Variants in PRKAA2 observed in about 807,000 individuals in gnomAD.
PRKAA2 encodes protein kinase AMP-activated catalytic subunit alpha 2.
Under a neutral mutation model 56.3 loss-of-function variants are expected in PRKAA2, and 40 were observed. The observed-to-expected ratio is 0.71, with a 90% CI of 0.55 to 0.92. PRKAA2 has a LOEUF of 0.92. Ranked by LOEUF, PRKAA2 falls within the 40% of genes least tolerant of loss-of-function variation. The pLI is 0.00. For synonymous variants in PRKAA2, 214 were observed against 234.2 expected (o/e 0.91, Z 0.79); for missense variants, 542 against 686.9 (o/e 0.79, Z 2.36).
At chr1:56,649,967 C>T (rs1055615927) in intron 1 of PRKAA2, among the ~76,000 whole-genome samples, 6 of 151,992 alleles carry the variant, frequency 3.9e-5, no homozygotes, top group Non-Finnish European at 5.9e-5. Flanking sequence ...TGATGGTGCG[C>T]GCCTGTAATC....
At chr1:56,678,285 C>G (rs568407308) in intron 2 of PRKAA2, among the ~76,000 whole-genome samples, 172 of 152,290 alleles carry the variant, frequency 1.1e-3, no homozygotes, top group African/African-American at 3.7e-3. Flanking sequence ...TTATTGACAT[C>G]GTCTGTAACA....
At chr1:56,657,308 T>A (rs1324304089) in intron 1 of PRKAA2, among the ~76,000 whole-genome samples, 3 of 150,872 alleles carry the variant, frequency 2.0e-5, no homozygotes, top group Non-Finnish European at 4.5e-5. Flanking sequence ...TGGAATGGAA[T>A]TTTTTTTTAC....
intron 2 of PRKAA2, among the ~76,000 whole-genome samples, chr1:56,682,081 A>C (rs968283845): frequency 1.3e-5 from 2 of 152,064 alleles, no homozygotes; most frequent in Non-Finnish European, 2.9e-5. Context: ...ATCCCTTGTA[A>C]GTTGGATTCC....
intron 1 of PRKAA2, among the ~76,000 whole-genome samples, chr1:56,662,470 A>G (rs1409135265): frequency 6.6e-6 from 1 of 152,142 alleles, no homozygotes; most frequent in Non-Finnish European, 1.5e-5. Context: ...TTAAATACAG[A>G]CGAGGTCTCA....
At chr1:56,690,547 T>C (rs545260824) in intron 2 of PRKAA2, among the ~76,000 whole-genome samples, 12 of 152,370 alleles carry the variant, frequency 7.9e-5, no homozygotes, top group African/African-American at 2.9e-4. Flanking sequence ...GTTTCATAAA[T>C]GGTTTTTAAA....
Position 56,709,252 on chromosome 1 carries a change from C to T in PRKAA2, c.*1539C>T, listed in dbSNP as rs1298055536. The T allele has an allele frequency of 6.6e-6, 1 of 152,112 alleles. No individual in the cohort carries two copies. Among genetic ancestry groups the T allele is most frequent in the African/African-American group, 2.4e-5 (1 of 41,414 alleles). 9.4% of individuals were successfully genotyped at this position (152,112 alleles called of 1,614,324 possible). A position where few individuals can be genotyped will look rare whatever the true frequency, so the allele number is the denominator to read the frequency against. ...AATGAGAATGTTAGACTAAGTTTCT[C>T]CTGTGTTAGTGGAAAACAAGTGTGT... On this transcript the variant is annotated 3_prime_UTR_variant, in exon 9 of 9. Transcript: ENST00000371244.
At position 56,713,948 on chromosome 1, in the gene PRKAA2, T is replaced by C. The variant is rs1187462046; in HGVS notation, c.*6235T>C. The C allele has an allele frequency of 1.3e-5, 2 of 151,914 alleles. No individual in the cohort carries two copies. The highest frequency in any genetic ancestry group is 2.4e-5 in the African/African-American group (1 of 41,368). 9.4% of individuals were successfully genotyped at this position (151,914 alleles called of 1,614,324 possible). A position where few individuals can be genotyped will look rare whatever the true frequency, so the allele number is the denominator to read the frequency against. ...GTTTAAACTATATTTTCTTTTTTTC[T>C]AATCCCTCTCAGTTCTCCTTAGATC... On this transcript the variant is annotated 3_prime_UTR_variant, in exon 9 of 9. Coordinates refer to ENST00000371244, the MANE Select transcript of PRKAA2 (RefSeq NM_006252.4).
chr1:56,667,959 T>A (rs896807619), intron 1 of PRKAA2, among the ~76,000 whole-genome samples: 2 of 152,094 alleles, frequency 1.3e-5, no homozygotes, highest in African/African-American at 4.8e-5. Context: ...ACCCCAAATA[T>A]GTCCCAAAAG....
At chr1:56,645,516 GC>G in intron 1 of PRKAA2, 35 bp downstream of exon 1, 1 of 1,439,274 alleles carries the variant, frequency 6.9e-7, no homozygotes, top group Non-Finnish European at 9.2e-7. Context: ...GTGCGGGGCT[GC>G]CTGACTTGCG....
At chr1:56,678,989 C>A (rs1209308717) in intron 2 of PRKAA2, among the ~76,000 whole-genome samples, 2 of 152,192 alleles carry the variant, frequency 1.3e-5, no homozygotes, top group Non-Finnish European at 2.9e-5. Flanking sequence ...CCACCATGCC[C>A]AGCCTAATTC....
intron 2 of PRKAA2, 75 bp downstream of exon 2, chr1:56,674,597 G>A: frequency 1.7e-6 from 2 of 1,205,750 alleles, no homozygotes; most frequent in Non-Finnish European, 2.2e-6. Context: ...TATAATAATT[G>A]TTAATTGTTA....
At chr1:56,697,212 T>TG (rs1342186563) in intron 6 of PRKAA2, among the ~76,000 whole-genome samples, 1 of 151,450 alleles carries the variant, frequency 6.6e-6, no homozygotes, top group African/African-American at 2.4e-5. Flanking sequence ...TTAGTAGAAA[T>TG]GGAGTTTTGC....
rs1053691902 is a variant in PRKAA2, at chr1:56,712,376, T to G, written c.*4663T>G. The G allele has an allele frequency of 6.6e-6, 1 of 152,182 alleles. No individual in the cohort carries two copies. Among genetic ancestry groups the G allele is most frequent in the African/African-American group, 2.4e-5 (1 of 41,458 alleles). The allele number at this position is 152,182 out of a possible 1,614,324, so 9.4% of individuals were successfully genotyped here. A position where few individuals can be genotyped will look rare whatever the true frequency, so the allele number is the denominator to read the frequency against. ...AAAGTAGTCTTAAATAAATAGTTCT[T>G]AGTTTATTTTAAGCAGTTGATTGTA... On this transcript the variant is annotated 3_prime_UTR_variant, in exon 9 of 9. Coordinates refer to ENST00000371244, the MANE Select transcript of PRKAA2 (RefSeq NM_006252.4).
chr1:56,654,826 AT>A (rs2100382009), intron 1 of PRKAA2, among the ~76,000 whole-genome samples: 1 of 152,164 alleles, frequency 6.6e-6, no homozygotes, highest in African/African-American at 2.4e-5. Flanking sequence ...CCTCTGATAA[AT>A]TTTATGTATT....
At chr1:56,660,449 C>CA (rs1643985146) in intron 1 of PRKAA2, among the ~76,000 whole-genome samples, 1 of 152,162 alleles carries the variant, frequency 6.6e-6, no homozygotes, top group Non-Finnish European at 1.5e-5. Flanking sequence ...ACAAAGGCCA[C>CA]AGCCCTACCC....
intron 2 of PRKAA2, among the ~76,000 whole-genome samples, chr1:56,680,520 C>G (rs1177286524): frequency 6.6e-6 from 1 of 152,092 alleles, no homozygotes; most frequent in Non-Finnish European, 1.5e-5. Context: ...CCTGCCACCC[C>G]ATGACAGGCC....
Position 56,709,199 on chromosome 1 carries a change from A to G in PRKAA2, c.*1486A>G, listed in dbSNP as rs948460617. On this transcript the variant is annotated 3_prime_UTR_variant, in exon 9 of 9. Transcript: ENST00000371244. ...TACCTTGACAGGCTTCTCTTTGCCAAAAGTAATGTATGTTCTGCCAAGAAG... is the reference window on the plus strand; with the variant it reads ...TACCTTGACAGGCTTCTCTTTGCCAGAAGTAATGTATGTTCTGCCAAGAAG... The G allele has an allele frequency of 2.0e-5, 3 of 152,158 alleles. No individual in the cohort carries two copies. Among genetic ancestry groups the G allele is most frequent in the South Asian group, 2.1e-4 (1 of 4,830 alleles). 9.4% of individuals were successfully genotyped at this position (152,158 alleles called of 1,614,324 possible).
chr1:56,683,652 T>A (rs1644171612), intron 2 of PRKAA2, among the ~76,000 whole-genome samples: 1 of 152,120 alleles, frequency 6.6e-6, no homozygotes, highest in African/African-American at 2.4e-5. Flanking sequence ...AATAAATCCC[T>A]TATTATATGT....
At chr1:56,702,086 CT>C (rs1437077670) in intron 6 of PRKAA2, among the ~76,000 whole-genome samples, 281 of 142,562 alleles carry the variant, frequency 2.0e-3, no homozygotes, top group Middle Eastern at 7.4e-3. Flanking sequence ...TTTATCTTTT[CT>C]TTTTTTTTTT....
Sources: gnomAD v4.1 joint callset for allele counts (sites outside exome capture counted in the v4.1 genomes callset) on GRCh38, gnomAD v4.1.1 for gene constraint, MANE v1.5 for transcripts, NCBI Gene and HGNC (gene_info 2026-07-23, HGNC 2026-07-21) for gene names.